Variants in TMPRSS9 observed in about 807,000 individuals in gnomAD.
The protein encoded by TMPRSS9 is transmembrane protease serine 9.
Under a neutral mutation model 111.4 loss-of-function variants are expected in TMPRSS9, and 113 were observed. The observed-to-expected ratio is 1.01, with a 90% CI of 0.87 to 1.19. TMPRSS9 has a LOEUF of 1.19. TMPRSS9 is among the 50% of genes most tolerant of loss of function. The pLI is 0.00. For missense variants in TMPRSS9, 1,803 were observed against 1,513.1 expected (o/e 1.19, Z -3.18); for synonymous variants, 805 against 659.1 (o/e 1.22, Z -3.39).
At position 2,416,294 on chromosome 19, in the gene TMPRSS9, G is replaced by T. The variant is rs1309465364; in HGVS notation, c.1746-244G>T. The T allele has an allele frequency of 1.1e-5, 6 of 563,196 alleles. No homozygotes were observed. The African/African-American group carries it at 1.1e-4, about 11-fold the overall frequency. 34.9% of individuals were successfully genotyped at this position (563,196 alleles called of 1,614,324 possible). ...GTTGGGGGGGGGCATTGGCACAGGT[G>T]TAGAAAATGAAGCCTGAGGGTCCCC... is the stretch of plus-strand genomic sequence containing the variant. On this transcript the variant is annotated intron_variant, in intron 11 of 17. Coordinates refer to ENST00000648592, the Ensembl canonical transcript of TMPRSS9.
chr19:2,375,144 A>G (rs1970321884), intron 1 of TMPRSS9, among the ~76,000 whole-genome samples: 1 of 152,200 alleles, frequency 6.6e-6, no homozygotes. Context: ...ATGGAGGCCA[A>G]TGGCCCCACG....
chr19:2,414,187 T>C (rs1971167445), intron 10 of TMPRSS9, 169 bp downstream of exon 11: 2 of 691,120 alleles, frequency 2.9e-6, no homozygotes, highest in Non-Finnish European at 4.6e-6. Flanking sequence ...ATGGTATCTT[T>C]CTGTCCACAG....
chr19:2,364,524 A>C (rs1186436071), intron 1 of TMPRSS9, among the ~76,000 whole-genome samples: 1 of 152,066 alleles, frequency 6.6e-6, no homozygotes, highest in East Asian at 1.9e-4. Flanking sequence ...CTGAGATTAC[A>C]GGCGGGAGCC....
chr19:2,408,546 G>T (rs137891765), exon 8 of TMPRSS9: 4 of 1,613,716 alleles, frequency 2.5e-6, no homozygotes, highest in South Asian at 2.2e-5. Context: ...CATCCAGCCC[G>T]TGTGCCTCCC....
upstream of TMPRSS9, among the ~76,000 whole-genome samples, chr19:2,385,627 G>C (rs1378970243): frequency 6.6e-6 from 1 of 152,134 alleles, no homozygotes; most frequent in Non-Finnish European, 1.5e-5. Flanking sequence ...CGAGGCAGGA[G>C]GATCACTTGA....
intron 1 of TMPRSS9, among the ~76,000 whole-genome samples, chr19:2,362,219 C>T (rs796244522): frequency 3.5e-4 from 52 of 150,290 alleles, no homozygotes; most frequent in African/African-American, 1.2e-3. Context: ...ATTGTGTGGT[C>T]GGGTGGGATC....
rs771006668 is a variant in TMPRSS9, at chr19:2,415,723, G to A, written c.1627G>A (p.Gly543Arg). ...GCCCACCCGGGTCGTGGGCGGGTTC[G>A]GAGCTGCCTCCGGGGAGGTGCCCTG... The change falls in exon 11 of 18, where the codon GGA (glycine) becomes AGA (arginine). Residue 543 changes from glycine (G) to arginine (R), a missense_variant. Transcript: ENST00000648592. 19 of 1,609,410 alleles carry A rather than the reference G, an allele frequency of 1.2e-5. No homozygotes were observed. Among genetic ancestry groups the A allele is most frequent in the South Asian group, 8.8e-5 (8 of 90,460 alleles).
chr19:2,414,876 G>GGAAAAAAA lies in TMPRSS9; in HGVS notation c.1574-794_1574-793insGAAAAAAA, dbSNP rs373652096. On this transcript the variant is annotated intron_variant, in intron 10 of 17. Coordinates refer to ENST00000648592, the Ensembl canonical transcript of TMPRSS9. ...GGCAACAAGAGCACAACTCCATCTC[G>GGAAAAAAA]AAAAAGAAAAAAGAAAACTTGTAGG... Among the ~76,000 whole-genome samples the GGAAAAAAA allele has an allele frequency of 3.2e-4, 47 of 146,438 alleles. 1 individual carries two copies. Among genetic ancestry groups the GGAAAAAAA allele is most frequent in the African/African-American group, 8.4e-4 (33 of 39,288 alleles).
At chr19:2,422,280 G>A in intron 14 of TMPRSS9, 33 bp downstream of exon 15, 2 of 1,491,038 alleles carry the variant, frequency 1.3e-6, no homozygotes, top group Admixed American at 2.3e-5. Flanking sequence ...CCCTGGGAGT[G>A]GAGGGTCCCA....
At chr19:2,401,757 G>A (rs556879614) in intron 4 of TMPRSS9, among the ~76,000 whole-genome samples, 84 of 151,530 alleles carry the variant, frequency 5.5e-4, no homozygotes, top group African/African-American at 1.9e-3. Flanking sequence ...ACAGGCGCCC[G>A]GCACCACACC....
At chr19:2,414,939 CTATTTTTTT>C (rs1971191590) in intron 10 of TMPRSS9, among the ~76,000 whole-genome samples, 1 of 141,456 alleles carries the variant, frequency 7.1e-6, no homozygotes. Context: ...AGTTGCATTC[CTATTTTTTT>C]TTTTTTTTTT....
upstream of TMPRSS9, among the ~76,000 whole-genome samples, chr19:2,386,397 T>A (rs1442694788): frequency 1.3e-5 from 2 of 150,452 alleles, no homozygotes; most frequent in Admixed American, 1.3e-4. Flanking sequence ...CCCAGCTACT[T>A]GGGAGGCTGA....
chr19:2,398,800 A>C (rs1293279234), exon 3 of TMPRSS9: 2 of 1,459,672 alleles, frequency 1.4e-6, no homozygotes, highest in Admixed American at 4.1e-5. Flanking sequence ...TGCAGTTTGT[A>C]AGTAGTTTTC....
intron 9 of TMPRSS9, 67 bp downstream of exon 10, chr19:2,410,461 G>A (rs923763624): frequency 2.5e-5 from 40 of 1,576,486 alleles, no homozygotes; most frequent in Admixed American, 3.5e-5. Flanking sequence ...CAAATGCTGA[G>A]CAATTCACAG....
chr19:2,419,975 A>G lies in TMPRSS9; in HGVS notation c.2154+1837A>G, dbSNP rs1402452040. Among the ~76,000 whole-genome samples the G allele has an allele frequency of 2.6e-5, 4 of 152,178 alleles. No individual in the cohort carries two copies. In the East Asian group the frequency reaches 7.7e-4, roughly 29 times the overall value. ...GGATTGCAAGACCAGTCTGGACAAC[A>G]TAGTGAGACCCCGTCTCTACAAAAA... On this transcript the variant is annotated intron_variant, in intron 13 of 17. Coordinates refer to ENST00000648592, the Ensembl canonical transcript of TMPRSS9.
chr19:2,422,437 C>T (rs1971488419), intron 14 of TMPRSS9, among the ~76,000 whole-genome samples, 190 bp downstream of exon 15: 1 of 152,076 alleles, frequency 6.6e-6, no homozygotes, highest in Non-Finnish European at 1.5e-5. Flanking sequence ...AAAAATTAGC[C>T]AGGCGTGGTG....
intron 6 of TMPRSS9, among the ~76,000 whole-genome samples, chr19:2,405,055 A>G (rs1970939400): frequency 1.3e-5 from 2 of 152,188 alleles, no homozygotes; most frequent in South Asian, 4.1e-4. Flanking sequence ...CTAAATAAGC[A>G]GACAGACACA....
exon 8 of TMPRSS9, chr19:2,408,488 T>C (rs62120712): frequency 0.063 from 101,222 of 1,613,746 alleles, 5,437 homozygotes; most frequent in East Asian, 0.3. Context: ...CGGCCGACTT[T>C]GACGTGGCTG....
At chr19:2,370,607 G>T (rs8101012) in intron 1 of TMPRSS9, among the ~76,000 whole-genome samples, 27,617 of 151,890 alleles carry the variant, frequency 0.18, 3,856 homozygotes, top group African/African-American at 0.38. Context: ...GGGATTACAG[G>T]CGTGAGCCAC....
Sources: allele counts gnomAD v4.1 joint callset (sites outside exome capture counted in the v4.1 genomes callset), GRCh38; gene constraint gnomAD v4.1.1; transcripts MANE v1.5; gene names NCBI Gene and HGNC (gene_info 2026-07-23, HGNC 2026-07-21).